Variants in SGCG observed in about 807,000 individuals in gnomAD.
SGCG encodes the protein gamma-sarcoglycan.
SGCG carries 26 observed loss-of-function variants against 29.3 expected under a neutral mutation model. The ratio of observed to expected loss-of-function variants is 0.89; its 90% confidence interval spans 0.65 to 1.23. The LOEUF (loss-of-function observed/expected upper bound fraction) is 1.23, where lower values mean the gene tolerates loss of function less well. Among genes scored for constraint, SGCG ranks in the 50% most tolerant of loss-of-function variants. SGCG has a pLI of 0.00. For synonymous variants in SGCG, 145 were observed against 129.7 expected, an observed-to-expected ratio of 1.12 and a Z score of -0.80; for missense variants, 353 against 356.0, an observed-to-expected ratio of 0.99 and a Z score of 0.07.
In SGCG at chr13:23,309,348, C is replaced by A. The variant is rs182457685; in HGVS notation, c.579-11289C>A. ...AAATGATCCTTCTGCCTCAAATGAT[C>A]CTTCTGCCTCAGCCTCCCAAGTAGC... is the stretch of plus-strand genomic sequence containing the variant. On this transcript the variant is annotated intron_variant, in intron 6 of 7. Coordinates refer to ENST00000218867, the MANE Select transcript of SGCG (RefSeq NM_000231.3). Among the ~76,000 whole-genome samples the A allele has an allele frequency of 2.8e-3, 432 of 152,208 alleles. 1 individual carries two copies. The highest frequency in any genetic ancestry group is 0.01 in the Middle Eastern group (3 of 294).
intron 2 of SGCG, among the ~76,000 whole-genome samples, chr13:23,210,900 A>G (rs911278203): frequency 6.6e-6 from 1 of 151,976 alleles, no homozygotes; most frequent in African/African-American, 2.4e-5. Context: ...AAGGCAGTAC[A>G]CAGACTTGTT....
chr13:23,180,473 G>T (rs1419080542), upstream of SGCG, among the ~76,000 whole-genome samples: 2 of 152,154 alleles, frequency 1.3e-5, no homozygotes, highest in East Asian at 3.9e-4. Context: ...ACTTAAAGAG[G>T]CTTAGGGAAA....
chr13:23,189,130 G>A (rs960133547), intron 1 of SGCG, among the ~76,000 whole-genome samples: 3 of 152,216 alleles, frequency 2.0e-5, no homozygotes, highest in Non-Finnish European at 2.9e-5. Context: ...CCATGTGGCA[G>A]TTCTGCCAGC....
At chr13:23,275,006 G>C (rs1282876604) in intron 4 of SGCG, among the ~76,000 whole-genome samples, 2 of 151,268 alleles carry the variant, frequency 1.3e-5, no homozygotes, top group African/African-American at 4.9e-5. Flanking sequence ...ATATTTAATA[G>C]GTTATACAAT....
chr13:23,290,352 A>C (rs1346576241), intron 5 of SGCG, among the ~76,000 whole-genome samples: 4 of 152,210 alleles, frequency 2.6e-5, no homozygotes, highest in Non-Finnish European at 5.9e-5. Flanking sequence ...AAATGCCAAC[A>C]GTAGAGGCCA....
chr13:23,269,417 A>G (rs1880771135), intron 4 of SGCG, among the ~76,000 whole-genome samples: 1 of 152,168 alleles, frequency 6.6e-6, no homozygotes, highest in African/African-American at 2.4e-5. Flanking sequence ...GAACAAAAAG[A>G]TATAGTCAAG....
At chr13:23,227,846 C>G (rs1878962167) in intron 2 of SGCG, among the ~76,000 whole-genome samples, 1 of 152,120 alleles carries the variant, frequency 6.6e-6, no homozygotes, top group Non-Finnish European at 1.5e-5. Context: ...GGTCTCACTC[C>G]AATGCCAAGG....
At chr13:23,182,789 AG>A (rs1054939193) in intron 1 of SGCG, among the ~76,000 whole-genome samples, 3 of 152,186 alleles carry the variant, frequency 2.0e-5, no homozygotes, top group African/African-American at 7.2e-5. Context: ...TGGGGACAGG[AG>A]GGCTTGCTGT....
At chr13:23,319,150 T>C (rs891220429) in intron 6 of SGCG, among the ~76,000 whole-genome samples, 1 of 151,882 alleles carries the variant, frequency 6.6e-6, no homozygotes, top group African/African-American at 2.4e-5. Flanking sequence ...ATACAAAAAT[T>C]AGCTGGACAC....
chr13:23,317,388 C>T (rs1261713819), intron 6 of SGCG, among the ~76,000 whole-genome samples: 1 of 152,102 alleles, frequency 6.6e-6, no homozygotes, highest in Non-Finnish European at 1.5e-5. Flanking sequence ...TTGGCTCACT[C>T]CACCAGGAAA....
intron 1 of SGCG, among the ~76,000 whole-genome samples, chr13:23,203,063 G>A (rs747420547): frequency 2.0e-5 from 3 of 151,998 alleles, no homozygotes; most frequent in East Asian, 1.9e-4. Context: ...GGGTTCAAGC[G>A]ATTCTCCTGC....
chr13:23,280,259 C>T (rs1881258888), intron 5 of SGCG, among the ~76,000 whole-genome samples: 1 of 152,116 alleles, frequency 6.6e-6, no homozygotes, highest in Admixed American at 6.5e-5. Flanking sequence ...AAAAATGTTT[C>T]AGAACATATT....
At chr13:23,217,690 T>G (rs1174426309) in intron 2 of SGCG, among the ~76,000 whole-genome samples, 1 of 151,498 alleles carries the variant, frequency 6.6e-6, no homozygotes, top group Non-Finnish European at 1.5e-5. Flanking sequence ...TTTACTAGCA[T>G]CTAGTATACT....
chr13:23,258,883 C>T (rs1052686502), intron 4 of SGCG, among the ~76,000 whole-genome samples: 1 of 152,050 alleles, frequency 6.6e-6, no homozygotes, highest in South Asian at 2.1e-4. Context: ...AATCTTGCAT[C>T]CCAGGGATGA....
chr13:23,189,043 C>T (rs1378641979), intron 1 of SGCG, among the ~76,000 whole-genome samples: 1 of 152,244 alleles, frequency 6.6e-6, no homozygotes, highest in African/African-American at 2.4e-5. Context: ...GCACTAATCT[C>T]TGCCATTCTT....
the SGCG span, among the ~76,000 whole-genome samples, chr13:23,173,000 A>G: frequency 6.6e-6 from 1 of 152,242 alleles, no homozygotes; most frequent in Non-Finnish European, 1.5e-5. Flanking sequence ...AAGATTGAGA[A>G]AAATCATATC....
the SGCG span, among the ~76,000 whole-genome samples, chr13:23,163,509 C>T: frequency 6.6e-6 from 1 of 152,118 alleles, no homozygotes; most frequent in Non-Finnish European, 1.5e-5. Flanking sequence ...TTCTGGACCC[C>T]TGAGTGGGAT....
At chr13:23,246,521 T>G (rs2137561814) in intron 3 of SGCG, 1 of 152,900 alleles carries the variant, frequency 6.5e-6, no homozygotes, top group Admixed American at 6.5e-5. Flanking sequence ...CCTCAAAACC[T>G]AAGGGACAGG....
At chr13:23,219,940 A>C (rs940596042) in intron 2 of SGCG, among the ~76,000 whole-genome samples, 3 of 142,568 alleles carry the variant, frequency 2.1e-5, no homozygotes, top group South Asian at 2.2e-4. Context: ...GGTTCACGCC[A>C]TTCTCCTGCC....
Sources: gnomAD v4.1 joint callset for allele counts (sites outside exome capture counted in the v4.1 genomes callset) on GRCh38, gnomAD v4.1.1 for gene constraint, MANE v1.5 for transcripts, NCBI Gene and HGNC (gene_info 2026-07-23, HGNC 2026-07-21) for gene names.